Variants in DLGAP2 observed in about 807,000 individuals in gnomAD.
DLGAP2 encodes the protein DLG associated protein 2.
A neutral mutation model predicts 100.3 loss-of-function variants in DLGAP2; 26 were observed. The ratio of observed to expected loss-of-function variants is 0.26; its 90% CI spans 0.19 to 0.36. DLGAP2 has a LOEUF of 0.36. DLGAP2 is among the 10% of genes least tolerant of loss of function. DLGAP2 has a pLI of 1.00. For missense variants in DLGAP2, 1,858 were observed against 1,453.2 expected, an observed-to-expected ratio of 1.28 and a Z score of -4.53; for synonymous variants, 886 against 630.1, an observed-to-expected ratio of 1.41 and a Z score of -6.08.
At chr8:882,084 A>G (rs184509676) in intron 1 of DLGAP2, among the ~76,000 whole-genome samples, 300 of 152,336 alleles carry the variant, frequency 2.0e-3, no homozygotes, top group African/African-American at 6.6e-3. Context: ...CACCCAGTCC[A>G]GAGGCTTCCC....
At chr8:1,441,212 C>T (rs541012207) in intron 3 of DLGAP2, among the ~76,000 whole-genome samples, 150 of 152,242 alleles carry the variant, frequency 9.9e-4, no homozygotes, top group African/African-American at 3.3e-3. Context: ...CATTAAAATG[C>T]ATCCTGAGTT....
intron 3 of DLGAP2, among the ~76,000 whole-genome samples, chr8:1,365,970 G>A (rs1304871436): frequency 6.6e-6 from 1 of 152,220 alleles, no homozygotes; most frequent in Non-Finnish European, 1.5e-5. Flanking sequence ...TTGCTCAGAT[G>A]TCCATCATCC....
At chr8:975,717 A>AG (rs775649628) in intron 2 of DLGAP2, among the ~76,000 whole-genome samples, 29 of 152,336 alleles carry the variant, frequency 1.9e-4, no homozygotes, top group Non-Finnish European at 4.0e-4. Context: ...ATAAGAATAC[A>AG]GGGGGAACTT....
chr8:1,584,499 C>G (rs1008047148), intron 6 of DLGAP2, among the ~76,000 whole-genome samples: 1 of 152,168 alleles, frequency 6.6e-6, no homozygotes, highest in Non-Finnish European at 1.5e-5. Flanking sequence ...GCTGCTGGCT[C>G]TTCATTTTTA....
intron 2 of DLGAP2, among the ~76,000 whole-genome samples, chr8:1,059,991 T>C (rs1331181851): frequency 2.0e-5 from 3 of 152,106 alleles, no homozygotes; most frequent in Admixed American, 2.0e-4. Flanking sequence ...AGCTGGGACG[T>C]CTTGACAGCA....
chr8:1,634,501 C>T (rs1305559159), intron 8 of DLGAP2, among the ~76,000 whole-genome samples: 2 of 152,160 alleles, frequency 1.3e-5, no homozygotes, highest in African/African-American at 2.4e-5. Flanking sequence ...CTGGTTTGGC[C>T]GGTTCTGCTC....
chr8:902,324 G>A (rs1208663490), intron 1 of DLGAP2, among the ~76,000 whole-genome samples: 1 of 151,744 alleles, frequency 6.6e-6, no homozygotes, highest in Non-Finnish European at 1.5e-5. Flanking sequence ...TAATTTGTGA[G>A]GGGGACACGC....
intron 2 of DLGAP2, among the ~76,000 whole-genome samples, chr8:1,053,558 C>G (rs1374369730): frequency 6.6e-6 from 1 of 151,990 alleles, no homozygotes; most frequent in Non-Finnish European, 1.5e-5. Context: ...GAGACAGACG[C>G]GTGAGTGATG....
In DLGAP2 at chr8:1,702,698, T is replaced by C. The variant is rs1799607799; in HGVS notation, c.*1292T>C. 1 of 152,228 alleles carries C rather than the reference T, an allele frequency of 6.6e-6. No homozygotes were observed. Among genetic ancestry groups the C allele is most frequent in the Non-Finnish European group, 1.5e-5 (1 of 68,038 alleles). The allele number at this position is 152,228 out of a possible 1,614,324, so 9.4% of individuals were successfully genotyped here. ...ACGACTCTAATTAATAGGCTTTCTG[T>C]GTATATAATTAAATTTAGCTGCTGC... On this transcript the variant is annotated 3_prime_UTR_variant, in exon 15 of 15. Coordinates refer to ENST00000637795, the MANE Select transcript of DLGAP2 (RefSeq NM_001346810.2).
At position 1,678,576 on chromosome 8, in the gene DLGAP2, G is replaced by A. The variant is rs941140903; in HGVS notation, c.2651G>A (p.Gly884Asp). ...LLHAETKRME[G>D]WCKEMEREAE... Reference sequence around the variant, plus strand: ...CACGCAGAGACAAAGAGGATGGAAGGCTGGTGCAAAGAGATGGAGAGAGAG... The same window carrying A: ...CACGCAGAGACAAAGAGGATGGAAGACTGGTGCAAAGAGATGGAGAGAGAG... The change falls in exon 12 of 15, where the codon GGC (glycine) becomes GAC (aspartate). Residue 884 changes from glycine (G) to aspartate (D), a missense_variant. Physicochemically the swap from Gly to Asp is moderately conservative, Grantham distance 94. Transcript: ENST00000637795. 1.3e-6 allele frequency: 2 copies of A among 1,582,118 alleles called. No individual in the cohort carries two copies. The highest frequency in any genetic ancestry group is 8.6e-7 in the Non-Finnish European group (1 of 1,164,528).
intron 1 of DLGAP2, among the ~76,000 whole-genome samples, chr8:829,048 A>T (rs2132698277): frequency 6.6e-6 from 1 of 152,290 alleles, no homozygotes; most frequent in African/African-American, 2.4e-5. Context: ...GACAAACCTG[A>T]TTTTTTTAAA....
intron 2 of DLGAP2, among the ~76,000 whole-genome samples, chr8:1,191,390 T>C (rs368783910): frequency 1.6e-4 from 24 of 152,268 alleles, no homozygotes; most frequent in African/African-American, 2.6e-4. Context: ...CAGGATGGTC[T>C]TGATCTCCTG....
chr8:1,514,343 T>C (rs1800286165), intron 4 of DLGAP2, among the ~76,000 whole-genome samples: 1 of 152,246 alleles, frequency 6.6e-6, no homozygotes, highest in Non-Finnish European at 1.5e-5. Context: ...CCCAGGTGTT[T>C]TCAATGGCAC....
intron 3 of DLGAP2, among the ~76,000 whole-genome samples, chr8:1,493,064 A>C (rs1470061380): frequency 1.3e-5 from 2 of 152,214 alleles, no homozygotes; most frequent in Non-Finnish European, 2.9e-5. Flanking sequence ...ATTCAGCCTC[A>C]AGGGAAGTCC....
intron 3 of DLGAP2, among the ~76,000 whole-genome samples, chr8:1,311,022 G>A (rs1469302077): frequency 1.3e-5 from 2 of 151,488 alleles, no homozygotes; most frequent in African/African-American, 4.9e-5. Context: ...CAAAATATTG[G>A]CAAACCTTGA....
intron 2 of DLGAP2, among the ~76,000 whole-genome samples, chr8:1,008,516 G>T (rs989894401): frequency 3.3e-5 from 5 of 152,208 alleles, no homozygotes; most frequent in African/African-American, 7.2e-5. Context: ...TCTTATTGAT[G>T]CATTATAATT....
chr8:1,421,248 T>C (rs562414277), intron 3 of DLGAP2, among the ~76,000 whole-genome samples: 1 of 152,332 alleles, frequency 6.6e-6, no homozygotes, highest in South Asian at 2.1e-4. Context: ...CTGTAATCTG[T>C]GAACACAGCC....
At chr8:1,182,329 C>T (rs931732899) in intron 2 of DLGAP2, among the ~76,000 whole-genome samples, 7 of 152,248 alleles carry the variant, frequency 4.6e-5, no homozygotes, top group African/African-American at 1.4e-4. Flanking sequence ...AGTGCTCACA[C>T]ACACAACATC....
intron 2 of DLGAP2, among the ~76,000 whole-genome samples, chr8:957,257 C>T (rs563203838): frequency 8.5e-5 from 13 of 152,200 alleles, no homozygotes; most frequent in Non-Finnish European, 1.3e-4. Flanking sequence ...AGAGGCCCCT[C>T]CAGGGCCTCC....
Sources: gnomAD v4.1 joint callset for allele counts (sites outside exome capture counted in the v4.1 genomes callset) on GRCh38, gnomAD v4.1.1 for gene constraint, MANE v1.5 for transcripts, NCBI Gene and HGNC (gene_info 2026-07-23, HGNC 2026-07-21) for gene names.